The following EEPD1 variants were observed in gnomAD, a reference collection of about 807,000 sequenced individuals.
The protein encoded by EEPD1 is endonuclease/exonuclease/phosphatase family domain containing 1.
EEPD1 carries 17 observed loss-of-function variants against 46.3 expected under a neutral mutation model. That is an observed-to-expected ratio of 0.37 (90% CI 0.25 to 0.55). The LOEUF (loss-of-function observed/expected upper bound fraction) is 0.55. Ranked by LOEUF, EEPD1 falls within the 20% of genes least tolerant of loss-of-function variation. The probability of loss-of-function intolerance (pLI) is 0.83; values close to 1 mark genes in which losing one functional copy is unlikely to be tolerated. For synonymous variants in EEPD1, 313 were observed against 315.6 expected (o/e 0.99, Z 0.09); for missense variants, 673 against 745.6 (o/e 0.90, Z 1.13).
chr7:36,207,890 T>TTG (rs1491034005), intron 2 of EEPD1, among the ~76,000 whole-genome samples: 1 of 26,686 alleles, frequency 3.7e-5, no homozygotes, highest in Non-Finnish European at 6.3e-5. Context: ...GTGCAGGAGT[T>TTG]TTTTTTTTTT....
intron 2 of EEPD1, among the ~76,000 whole-genome samples, chr7:36,222,609 T>C (rs367965135): frequency 2.0e-5 from 3 of 152,328 alleles, no homozygotes; most frequent in African/African-American, 7.2e-5. Context: ...AAATACTATA[T>C]ACTGGGTGAT....
intron 2 of EEPD1, among the ~76,000 whole-genome samples, chr7:36,185,256 A>G (rs1785345303): frequency 6.6e-6 from 1 of 152,242 alleles, no homozygotes; most frequent in African/African-American, 2.4e-5. Context: ...CCATGTGTTC[A>G]TCTGCAGCTT....
At position 36,165,669 on chromosome 7, in the gene EEPD1, C is replaced by A. The variant is rs905279410; in HGVS notation, c.878+10467C>A. Among the ~76,000 whole-genome samples the A allele has an allele frequency of 1.1e-4, 17 of 151,452 alleles. No individual in the cohort carries two copies. The South Asian group carries it at 2.7e-3, about 24-fold the overall frequency. ...GACCAGGATGGTCTCGATCTCTTGA[C>A]CTCGTGATCTGCCTGCCTCGGCTTC... On this transcript the variant is annotated intron_variant, in intron 2 of 7. Transcript: ENST00000242108.
chr7:36,256,007 A>G (rs1431131642), intron 3 of EEPD1, among the ~76,000 whole-genome samples: 1 of 152,108 alleles, frequency 6.6e-6, no homozygotes. Flanking sequence ...TGTGTCCCAG[A>G]GATTCTGGTA....
chr7:36,176,151 C>A (rs1785174941), intron 2 of EEPD1, among the ~76,000 whole-genome samples: 1 of 152,190 alleles, frequency 6.6e-6, no homozygotes, highest in Admixed American at 6.5e-5. Flanking sequence ...CCTGGTGATG[C>A]AGTGGGGGAA....
chr7:36,220,266 A>G (rs1470759385), intron 2 of EEPD1, among the ~76,000 whole-genome samples: 1 of 152,128 alleles, frequency 6.6e-6, no homozygotes, highest in South Asian at 2.1e-4. Flanking sequence ...GCATTTTCTG[A>G]TTTTATTGAG....
chr7:36,284,537 C>T, intron 4 of EEPD1, 149 bp from the exon 5 acceptor site: 1 of 933,122 alleles, frequency 1.1e-6, no homozygotes, highest in Non-Finnish European at 1.5e-6. Context: ...GGGAGAGTGG[C>T]TGTGGCTTTC....
At chr7:36,244,684 C>T (rs2115795792) in intron 3 of EEPD1, among the ~76,000 whole-genome samples, 1 of 152,176 alleles carries the variant, frequency 6.6e-6, no homozygotes, top group East Asian at 1.9e-4. Context: ...CCCTGAAGGC[C>T]CCAGCCCCTT....
intron 3 of EEPD1, among the ~76,000 whole-genome samples, chr7:36,256,866 T>G (rs780612391): frequency 1.2e-4 from 19 of 152,240 alleles, no homozygotes; most frequent in Non-Finnish European, 1.9e-4. Flanking sequence ...CCTGTGATTA[T>G]GATGCTGGCT....
At chr7:36,272,002 C>T (rs889995398) in intron 3 of EEPD1, among the ~76,000 whole-genome samples, 1 of 151,966 alleles carries the variant, frequency 6.6e-6, no homozygotes, top group Non-Finnish European at 1.5e-5. Flanking sequence ...CTGCCTCAGC[C>T]TCCCACGTAG....
At chr7:36,162,263 T>A (rs1295831024) in intron 2 of EEPD1, among the ~76,000 whole-genome samples, 1 of 152,230 alleles carries the variant, frequency 6.6e-6, no homozygotes, top group African/African-American at 2.4e-5. Context: ...TGAACTCAAG[T>A]GGCTGGGAAC....
intron 2 of EEPD1, among the ~76,000 whole-genome samples, chr7:36,161,506 A>G (rs1326840180): frequency 1.3e-5 from 2 of 151,986 alleles, no homozygotes; most frequent in Non-Finnish European, 2.9e-5. Context: ...GTGACAATTG[A>G]GGCTGAAAGT....
intron 3 of EEPD1, among the ~76,000 whole-genome samples, chr7:36,272,296 G>A (rs1485475021): frequency 2.6e-5 from 4 of 152,062 alleles, no homozygotes; most frequent in African/African-American, 7.2e-5. Context: ...AGAACCTTTG[G>A]AACATTCCTA....
chr7:36,280,972 T>C, intron 3 of EEPD1, 143 bp from the exon 4 acceptor site: 3 of 617,272 alleles, frequency 4.9e-6, no homozygotes, highest in African/African-American at 3.7e-5. Context: ...ACCCTAGTGT[T>C]TGAAAAACAG....
chr7:36,292,369 CTTTTGTTTTG>C (rs200557299), intron 6 of EEPD1, among the ~76,000 whole-genome samples: 1 of 135,338 alleles, frequency 7.4e-6, no homozygotes, highest in Non-Finnish European at 1.8e-5. Context: ...CTTTTCTTTT[CTTTTGTTTTG>C]TTTTCTTTTC....
intron 2 of EEPD1, among the ~76,000 whole-genome samples, chr7:36,165,656 C>A (rs1031330439): frequency 3.3e-5 from 5 of 150,170 alleles, no homozygotes; most frequent in Non-Finnish European, 4.4e-5. Flanking sequence ...CCAGGATGGT[C>A]TCGATCTCTT....
chr7:36,207,412 C>G (rs1451760746), intron 2 of EEPD1, among the ~76,000 whole-genome samples: 1 of 152,108 alleles, frequency 6.6e-6, no homozygotes, highest in African/African-American at 2.4e-5. Context: ...GAACATAGTC[C>G]ATTTGGGGCA....
At chr7:36,172,876 C>T (rs191012797) in intron 2 of EEPD1, among the ~76,000 whole-genome samples, 10 of 133,530 alleles carry the variant, frequency 7.5e-5, no homozygotes, top group African/African-American at 1.7e-4. Flanking sequence ...CTCAGACTTA[C>T]GACTAGTGTC....
chr7:36,171,758 G>A (rs969080132), intron 2 of EEPD1, among the ~76,000 whole-genome samples: 1 of 152,182 alleles, frequency 6.6e-6, no homozygotes, highest in Non-Finnish European at 1.5e-5. Flanking sequence ...GCCATATACT[G>A]CCTCTCACTC....
Sources: gnomAD v4.1 joint callset for allele counts (sites outside exome capture counted in the v4.1 genomes callset) on GRCh38, gnomAD v4.1.1 for gene constraint, MANE v1.5 for transcripts, NCBI Gene and HGNC (gene_info 2026-07-23, HGNC 2026-07-21) for gene names.